The following KIRREL3 variants were observed in gnomAD, a reference collection of about 807,000 sequenced individuals.
KIRREL3 encodes kirre like nephrin family adhesion molecule 3.
KIRREL3 carries 36 observed loss-of-function variants against 89.7 expected under a neutral mutation model. The ratio of observed to expected loss-of-function variants is 0.40; its 90% CI spans 0.31 to 0.53. The LOEUF (loss-of-function observed/expected upper bound fraction) is 0.53, where lower values mean the gene tolerates loss of function less well. Ranked by LOEUF, KIRREL3 falls within the 20% of genes least tolerant of loss-of-function variation. The pLI, the probability that KIRREL3 is intolerant of heterozygous loss-of-function variation, is 0.49. For synonymous variants in KIRREL3, 445 were observed against 441.4 expected (o/e 1.01, Z -0.10); for missense variants, 864 against 1,056.6 (o/e 0.82, Z 2.53).
chr11:126,737,406 T>C (rs1948838880), intron 1 of KIRREL3, among the ~76,000 whole-genome samples: 1 of 151,922 alleles, frequency 6.6e-6, no homozygotes, highest in African/African-American at 2.4e-5. Flanking sequence ...TCCTCTGTCA[T>C]GCCTGCATCA....
intron 9 of KIRREL3, among the ~76,000 whole-genome samples, chr11:126,445,791 G>C (rs111323487): frequency 6.6e-6 from 1 of 152,146 alleles, no homozygotes; most frequent in African/African-American, 2.4e-5. Context: ...AGCTCTCCCT[G>C]TTCCTTCCTA....
rs185028017 is a variant in KIRREL3 at position 126,843,436 on chromosome 11, A to G, written c.55+157019T>C. 9.6e-4 allele frequency among the ~76,000 whole-genome samples: 146 copies of G among 152,188 alleles called. 2 individuals are homozygous for G. The highest frequency in any genetic ancestry group is 3.1e-3 in the African/African-American group (128 of 41,530). On this transcript the variant is annotated intron_variant, in intron 1 of 16. Coordinates refer to ENST00000525144, the MANE Select transcript of KIRREL3 (RefSeq NM_032531.4). This position sits in a 1 kb window ranked among gnomAD's most constrained non-coding sequence, Gnocchi z 4.6. ...GCTCACTCACTCTGCCGTATATCCTACTGGGGAGAAACTCCATTCCCAAAG... is the reference window on the plus strand; with the variant it reads ...GCTCACTCACTCTGCCGTATATCCTGCTGGGGAGAAACTCCATTCCCAAAG...
At position 126,501,136 on chromosome 11, in the gene KIRREL3, G is replaced by A. The variant is rs1477604613; in HGVS notation, c.433+20179C>T. ...GCGAGGCAGGATATCTCCAGTGCAA[G>A]GACACTACTGGTGGACAGCTGGTCC... On this transcript the variant is annotated intron_variant, in intron 4 of 16. Transcript: ENST00000525144. The surrounding 1 kb of genome is among the most constrained non-coding windows in gnomAD (Gnocchi z 5.8). Among the ~76,000 whole-genome samples the A allele has an allele frequency of 6.6e-6, 1 of 152,194 alleles. No individual in the cohort carries two copies. Among genetic ancestry groups the A allele is most frequent in the Non-Finnish European group, 1.5e-5 (1 of 68,034 alleles).
Position 126,431,086 on chromosome 11 carries a change from A to G in KIRREL3, c.1696+333T>C. On this transcript the variant is annotated intron_variant, in intron 14 of 16. Coordinates refer to ENST00000525144, the MANE Select transcript of KIRREL3 (RefSeq NM_032531.4). This position sits in a 1 kb window ranked among gnomAD's most constrained non-coding sequence, Gnocchi z 7.1. ...GTCTCTCTAGACTAACAGCTCTTGT[A>G]GAGCAAGGATCAAACCACAAACCGC... 2 of 1,383,736 alleles carry G rather than the reference A, an allele frequency of 1.4e-6. No individual in the cohort carries two copies. Among genetic ancestry groups the G allele is most frequent in the Non-Finnish European group, 1.9e-6 (2 of 1,071,300 alleles). 85.7% of individuals were successfully genotyped at this position (1,383,736 alleles called of 1,614,324 possible). A position where few individuals can be genotyped will look rare whatever the true frequency, so the allele number is the denominator to read the frequency against.
rs1403490366 is a variant in KIRREL3 at position 126,876,657 on chromosome 11, C to T, written c.55+123798G>A. On this transcript the variant is annotated intron_variant, in intron 1 of 16. Transcript: ENST00000525144. The surrounding 1 kb of genome is among the most constrained non-coding windows in gnomAD (Gnocchi z 4.1). ...GGTTCAAGCAATTGTCCTGCCTCAG[C>T]CTTCCAAGTAGCTGGGATTACAGGC... Among the ~76,000 whole-genome samples, 1 of 151,954 alleles carries T rather than the reference C, an allele frequency of 6.6e-6. No individual in the cohort carries two copies. The highest frequency in any genetic ancestry group is 1.5e-5 in the Non-Finnish European group (1 of 68,012).
rs897203239 is a variant in KIRREL3 at position 126,664,934 on chromosome 11, T to G, written c.56-102022A>C. ...TGTCCCCTCCAGGCAGAATGAACTGTGCTCTTACTCTGCAGCCTTCGACAC... is the reference window on the plus strand; with the variant it reads ...TGTCCCCTCCAGGCAGAATGAACTGGGCTCTTACTCTGCAGCCTTCGACAC... On this transcript the variant is annotated intron_variant, in intron 1 of 16. Coordinates refer to ENST00000525144, the MANE Select transcript of KIRREL3 (RefSeq NM_032531.4). This position sits in a 1 kb window ranked among gnomAD's most constrained non-coding sequence, Gnocchi z 5.4. Among the ~76,000 whole-genome samples the G allele has an allele frequency of 3.3e-5, 5 of 152,222 alleles. No individual in the cohort carries two copies. The highest frequency in any genetic ancestry group is 1.2e-4 in the African/African-American group (5 of 41,460).
chr11:126,871,410 C>A (rs1237474440), intron 1 of KIRREL3, among the ~76,000 whole-genome samples: 2 of 152,216 alleles, frequency 1.3e-5, no homozygotes, highest in South Asian at 2.1e-4. Flanking sequence ...AGTCACTTAC[C>A]CTCTCTGAAT....
At position 126,450,739 on chromosome 11, in the gene KIRREL3, GTGAGTGTGGGCATGTA is replaced by G. The variant is rs374822055; in HGVS notation, c.849-1598_849-1583del. Among the ~76,000 whole-genome samples the G allele has an allele frequency of 7.6e-5, 11 of 144,770 alleles. 1 individual carries two copies. Among genetic ancestry groups the G allele is most frequent in the African/African-American group, 3.2e-4 (11 of 34,650 alleles). The allele number at this position is 144,770 out of a possible 152,430, so 95.0% of individuals were successfully genotyped here. On this transcript the variant is annotated intron_variant, in intron 7 of 16. Coordinates refer to ENST00000525144, the MANE Select transcript of KIRREL3 (RefSeq NM_032531.4). ...TGTGCATGTGTGAATGTGGGCATGT[GTGAGTGTGGGCATGTA>G]TGACTGTGTGCATGTGTGAGGGTGT...
Position 126,490,153 on chromosome 11 carries a change from T to C in KIRREL3, c.434-16687A>G, listed in dbSNP as rs1425656272. On this transcript the variant is annotated intron_variant, in intron 4 of 16. Coordinates refer to ENST00000525144, the MANE Select transcript of KIRREL3 (RefSeq NM_032531.4). This position sits in a 1 kb window ranked among gnomAD's most constrained non-coding sequence, Gnocchi z 4.2. The stretch of plus-strand genomic sequence containing the variant: ...TGGCCAGAGGCATACATAATCCAAA[T>C]CTGGTGTATAATTGAGAATATTATT... Among the ~76,000 whole-genome samples the C allele has an allele frequency of 6.9e-6, 1 of 144,226 alleles. No homozygotes were observed. The highest frequency in any genetic ancestry group is 2.6e-5 in the African/African-American group (1 of 38,622). The allele number at this position is 144,226 out of a possible 152,430, so 94.6% of individuals were successfully genotyped here.
chr11:126,691,242 A>T (rs1946869335), intron 1 of KIRREL3, among the ~76,000 whole-genome samples: 1 of 152,174 alleles, frequency 6.6e-6, no homozygotes, highest in South Asian at 2.1e-4. Context: ...CGTAAAGTTG[A>T]TCATTCAAAT....
At chr11:126,679,718 A>T (rs1016040740) in intron 1 of KIRREL3, among the ~76,000 whole-genome samples, 3 of 152,214 alleles carry the variant, frequency 2.0e-5, no homozygotes, top group Non-Finnish European at 2.9e-5. Context: ...ATGACCCACT[A>T]AAATAAGGTG....
rs1050038516 is a variant in KIRREL3, at chr11:126,837,223, T to G, written c.55+163232A>C. Among the ~76,000 whole-genome samples, 1 of 152,076 alleles carries G rather than the reference T, an allele frequency of 6.6e-6. No individual in the cohort carries two copies. Among genetic ancestry groups the G allele is most frequent in the Non-Finnish European group, 1.5e-5 (1 of 68,022 alleles). ...CCAGTTTATTCAACTGTGAAATAGG[T>G]TTAATAAAACCAGCCTTAGAACCCT... is the stretch of plus-strand genomic sequence containing the variant. On this transcript the variant is annotated intron_variant, in intron 1 of 16. Transcript: ENST00000525144. The surrounding 1 kb of genome is among the most constrained non-coding windows in gnomAD (Gnocchi z 4.7).
chr11:126,975,413 CT>C (rs1591409288), intron 1 of KIRREL3, among the ~76,000 whole-genome samples: 2 of 152,156 alleles, frequency 1.3e-5, no homozygotes, highest in African/African-American at 4.8e-5. Context: ...TCCTACCCCC[CT>C]GAAATTTCCT....
At chr11:126,621,647 C>T (rs1221120034) in intron 1 of KIRREL3, among the ~76,000 whole-genome samples, 1 of 152,036 alleles carries the variant, frequency 6.6e-6, no homozygotes, top group Non-Finnish European at 1.5e-5. Context: ...TACCACGAAA[C>T]TATAAAACCC....
At chr11:126,992,416 C>T (rs1950059391) in intron 1 of KIRREL3, 1 of 152,172 alleles carries the variant, frequency 6.6e-6, no homozygotes, top group Non-Finnish European at 1.5e-5. Flanking sequence ...TATCCGCAGT[C>T]ATGGAAATAA....
Position 126,965,619 on chromosome 11 carries a change from T to C in KIRREL3, c.55+34836A>G, listed in dbSNP as rs1949242656. 6.6e-6 allele frequency among the ~76,000 whole-genome samples: 1 copy of C among 152,210 alleles called. No homozygotes were observed. Among genetic ancestry groups the C allele is most frequent in the South Asian group, 2.1e-4 (1 of 4,830 alleles). On this transcript the variant is annotated intron_variant, in intron 1 of 16. Coordinates refer to ENST00000525144, the MANE Select transcript of KIRREL3 (RefSeq NM_032531.4). This position sits in a 1 kb window ranked among gnomAD's most constrained non-coding sequence, Gnocchi z 4.4. Reference sequence around the variant, plus strand: ...TGTCTCAAAACTGAGCTTTAAATATTATAAAATTTTGGTTCTTTGCTGATG... The same window carrying C: ...TGTCTCAAAACTGAGCTTTAAATATCATAAAATTTTGGTTCTTTGCTGATG...
chr11:126,959,997 T>C lies in KIRREL3; in HGVS notation c.55+40458A>G, dbSNP rs1405752385. 3.3e-5 allele frequency among the ~76,000 whole-genome samples: 5 copies of C among 152,278 alleles called. No homozygotes were observed. The East Asian group carries it at 9.7e-4, about 29-fold the overall frequency. On this transcript the variant is annotated intron_variant, in intron 1 of 16. Coordinates refer to ENST00000525144, the MANE Select transcript of KIRREL3 (RefSeq NM_032531.4). ...ATCCTCACTGATCCACTGTTTATTGTTTTTTTAATCCCTCAGTTCTCAGCA... is the reference window on the plus strand; with the variant it reads ...ATCCTCACTGATCCACTGTTTATTGCTTTTTTAATCCCTCAGTTCTCAGCA...
rs1164209819 is a variant in KIRREL3 at position 126,772,823 on chromosome 11, C to A, written c.56-209911G>T. ...CTGATTCCTTGGTTTTGAGCCTTTG[C>A]CCCTAATGCCAGCACCATACCTACT... On this transcript the variant is annotated intron_variant, in intron 1 of 16. Coordinates refer to ENST00000525144, the MANE Select transcript of KIRREL3 (RefSeq NM_032531.4). This position sits in a 1 kb window ranked among gnomAD's most constrained non-coding sequence, Gnocchi z 4.6. Among the ~76,000 whole-genome samples, 1 of 152,154 alleles carries A rather than the reference C, an allele frequency of 6.6e-6. No individual in the cohort carries two copies. Among genetic ancestry groups the A allele is most frequent in the Non-Finnish European group, 1.5e-5 (1 of 68,020 alleles).
In KIRREL3 at chr11:126,656,670, C is replaced by T. The variant is rs1168038346; in HGVS notation, c.56-93758G>A. 1.3e-5 allele frequency among the ~76,000 whole-genome samples: 2 copies of T among 152,190 alleles called. No individual in the cohort carries two copies. Among genetic ancestry groups the T allele is most frequent in the Non-Finnish European group, 2.9e-5 (2 of 68,022 alleles). The stretch of plus-strand genomic sequence containing the variant: ...GAAGATGAATTTGCACAGATTTCTC[C>T]CTGCATAATTTCTCCGTATCTTTAG... On this transcript the variant is annotated intron_variant, in intron 1 of 16. Transcript: ENST00000525144. This position sits in a 1 kb window ranked among gnomAD's most constrained non-coding sequence, Gnocchi z 4.0.
Sources: allele counts gnomAD v4.1 joint callset (sites outside exome capture counted in the v4.1 genomes callset), GRCh38; gene constraint gnomAD v4.1.1; non-coding constraint Gnocchi (gnomAD v3.1); transcripts MANE v1.5; gene names NCBI Gene and HGNC (gene_info 2026-07-23, HGNC 2026-07-21).